Variants in CTNNA2 observed in about 807,000 individuals in gnomAD.
CTNNA2 encodes catenin alpha-2.
In CTNNA2, 42 loss-of-function variants were observed where a neutral mutation model predicts 101.0. That is an observed-to-expected ratio of 0.42 (90% CI 0.32 to 0.54). The LOEUF (loss-of-function observed/expected upper bound fraction) is 0.54, where lower values mean the gene tolerates loss of function less well. Among genes scored for constraint, CTNNA2 ranks in the 20% least tolerant of loss-of-function variants. The pLI, the probability that CTNNA2 is intolerant of heterozygous loss-of-function variation, is 0.14. For synonymous variants in CTNNA2, 450 were observed against 456.4 expected (o/e 0.99, Z 0.18); for missense variants, 871 against 1,223.1 (o/e 0.71, Z 4.29).
chr2:80,631,483 C>T (rs149828611), intron 18 of CTNNA2, among the ~76,000 whole-genome samples: 65 of 151,448 alleles, frequency 4.3e-4, no homozygotes, highest in African/African-American at 1.5e-3. Context: ...AGGGAACAGA[C>T]AATATGTTGT....
intron 7 of CTNNA2, among the ~76,000 whole-genome samples, chr2:80,282,027 C>G (rs1368345294): frequency 1.3e-5 from 2 of 151,870 alleles, no homozygotes; most frequent in Non-Finnish European, 2.9e-5. Context: ...GTAAGTGCAG[C>G]CTTCATAATG....
At chr2:79,663,607 G>C (rs189232311) in intron 2 of CTNNA2, among the ~76,000 whole-genome samples, 2 of 151,920 alleles carry the variant, frequency 1.3e-5, no homozygotes, top group African/African-American at 4.8e-5. Flanking sequence ...TCATTCTCCC[G>C]ACCTCACAGA....
At chr2:80,461,259 TC>T (rs1684396451) in intron 9 of CTNNA2, among the ~76,000 whole-genome samples, 1 of 152,112 alleles carries the variant, frequency 6.6e-6, no homozygotes, top group Non-Finnish European at 1.5e-5. Flanking sequence ...TTCCTTATCC[TC>T]CCCCATGCCT....
chr2:79,464,684 T>C (rs1269333382), intron 4 of CTNNA2, among the ~76,000 whole-genome samples: 1 of 152,210 alleles, frequency 6.6e-6, no homozygotes, highest in East Asian at 1.9e-4. Flanking sequence ...TTCTAACTGG[T>C]GTGAGATGGT....
At chr2:80,355,198 T>C (rs1673664492) in intron 7 of CTNNA2, among the ~76,000 whole-genome samples, 2 of 152,138 alleles carry the variant, frequency 1.3e-5, no homozygotes, top group African/African-American at 4.8e-5. Context: ...AATATCACTG[T>C]CCAGCCTGGC....
At chr2:80,202,104 A>G (rs1485281793) in intron 7 of CTNNA2, among the ~76,000 whole-genome samples, 1 of 152,092 alleles carries the variant, frequency 6.6e-6, no homozygotes, top group African/African-American at 2.4e-5. Flanking sequence ...ACTTTTCATT[A>G]TCAGCAGAAT....
chr2:79,993,396 G>T (rs1335635902), intron 7 of CTNNA2, among the ~76,000 whole-genome samples: 1 of 152,100 alleles, frequency 6.6e-6, no homozygotes, highest in Non-Finnish European at 1.5e-5. Flanking sequence ...ACAGCTCTTG[G>T]CACATCTTCA....
chr2:80,507,352 C>T (rs1688359920), intron 9 of CTNNA2, among the ~76,000 whole-genome samples: 1 of 152,068 alleles, frequency 6.6e-6, no homozygotes, highest in South Asian at 2.1e-4. Flanking sequence ...TATATGGTGG[C>T]TACTAGTTAT....
At chr2:80,502,198 A>G (rs1450737929) in intron 9 of CTNNA2, among the ~76,000 whole-genome samples, 1 of 152,200 alleles carries the variant, frequency 6.6e-6, no homozygotes, top group Non-Finnish European at 1.5e-5. Flanking sequence ...AAAATTTAAT[A>G]TTTGGAACTT....
chr2:79,891,689 G>A (rs1005936994), intron 6 of CTNNA2, among the ~76,000 whole-genome samples: 14 of 152,032 alleles, frequency 9.2e-5, no homozygotes, highest in African/African-American at 3.4e-4. Flanking sequence ...TCAAAATCTG[G>A]ATCAGCAAAA....
intron 3 of CTNNA2, among the ~76,000 whole-genome samples, chr2:79,827,337 C>T (rs1410942251): frequency 6.6e-6 from 1 of 152,092 alleles, no homozygotes; most frequent in African/African-American, 2.4e-5. Flanking sequence ...TGTGCCCGGC[C>T]AGATTGTAAT....
At chr2:80,352,177 C>T (rs1170742900) in intron 7 of CTNNA2, among the ~76,000 whole-genome samples, 1 of 152,086 alleles carries the variant, frequency 6.6e-6, no homozygotes, top group Admixed American at 6.6e-5. Context: ...TCCTCAAAGT[C>T]AGGTCATTTT....
chr2:80,240,616 A>G (rs1418785496), intron 7 of CTNNA2, among the ~76,000 whole-genome samples: 1 of 152,086 alleles, frequency 6.6e-6, no homozygotes, highest in African/African-American at 2.4e-5. Context: ...CCCACACAGC[A>G]TTAATAACCC....
chr2:79,767,486 C>T (rs1340560866), intron 3 of CTNNA2, among the ~76,000 whole-genome samples: 1 of 152,048 alleles, frequency 6.6e-6, no homozygotes, highest in Non-Finnish European at 1.5e-5. Flanking sequence ...TGTACCCATC[C>T]TTCTTGGGAA....
At chr2:79,521,343 G>A (rs564862352) in intron 1 of CTNNA2, among the ~76,000 whole-genome samples, 10 of 151,684 alleles carry the variant, frequency 6.6e-5, no homozygotes, top group African/African-American at 2.4e-4. Flanking sequence ...TTCCTCAGCC[G>A]GTGCTATGAT....
intron 7 of CTNNA2, among the ~76,000 whole-genome samples, chr2:80,285,467 C>T (rs1558969318): frequency 6.6e-6 from 1 of 152,140 alleles, no homozygotes; most frequent in East Asian, 1.9e-4. Flanking sequence ...AAGATCAAGC[C>T]TGGGTGTCTT....
chr2:80,168,986 C>T (rs1704875134), intron 7 of CTNNA2, among the ~76,000 whole-genome samples: 1 of 152,190 alleles, frequency 6.6e-6, no homozygotes, highest in African/African-American at 2.4e-5. Flanking sequence ...TTAGAGGCCC[C>T]CACTTTGGCC....
At chr2:80,575,150 T>C (rs1184591254) in intron 13 of CTNNA2, 1 of 152,188 alleles carries the variant, frequency 6.6e-6, no homozygotes, top group Non-Finnish European at 1.5e-5. Flanking sequence ...TCTTCAAATA[T>C]ACTGCATATG....
At chr2:79,663,788 T>C (rs1682207900) in intron 2 of CTNNA2, among the ~76,000 whole-genome samples, 1 of 152,240 alleles carries the variant, frequency 6.6e-6, no homozygotes, top group South Asian at 2.1e-4. Context: ...CTCATGTAGA[T>C]AGAAATGATG....
Sources: allele counts gnomAD v4.1 joint callset (sites outside exome capture counted in the v4.1 genomes callset), GRCh38; gene constraint gnomAD v4.1.1; transcripts MANE v1.5; gene names NCBI Gene and HGNC (gene_info 2026-07-23, HGNC 2026-07-21).